The following FLNB variants were observed in gnomAD, a reference collection of about 807,000 sequenced individuals.
FLNB encodes filamin-B.
In FLNB, 111 loss-of-function variants were observed where a neutral mutation model predicts 250.6. The observed-to-expected ratio is 0.44, with a 90% CI of 0.38 to 0.52. The LOEUF (loss-of-function observed/expected upper bound fraction) is 0.52. Ranked by LOEUF, FLNB falls within the 20% of genes least tolerant of loss-of-function variation. FLNB has a pLI of 0.00. For synonymous variants in FLNB, 1,302 were observed against 1,372.1 expected, an observed-to-expected ratio of 0.95 and a Z score of 1.13; for missense variants, 2,869 against 3,447.8, an observed-to-expected ratio of 0.83 and a Z score of 4.20.
intron 1 of FLNB, among the ~76,000 whole-genome samples, chr3:58,046,479 T>A (rs2097154432): frequency 6.8e-6 from 1 of 146,630 alleles, no homozygotes; most frequent in Non-Finnish European, 1.5e-5. Flanking sequence ...GGAGACGGAG[T>A]CTTACTCTTG....
At chr3:58,016,879 C>T (rs771119293) in intron 1 of FLNB, among the ~76,000 whole-genome samples, 5 of 152,174 alleles carry the variant, frequency 3.3e-5, no homozygotes, top group Admixed American at 6.5e-5. Flanking sequence ...ATAATGATTA[C>T]AGTTGCTTTT....
intron 32 of FLNB, 118 bp downstream of exon 32, chr3:58,143,731 G>A: frequency 1.6e-6 from 2 of 1,247,398 alleles, no homozygotes; most frequent in Non-Finnish European, 2.3e-6. Flanking sequence ...GGAGAATGCA[G>A]CGTTGGTACC....
At chr3:58,144,782 T>C (rs539065665) in intron 32 of FLNB, among the ~76,000 whole-genome samples, 133 of 152,372 alleles carry the variant, frequency 8.7e-4, no homozygotes, top group African/African-American at 3.2e-3. Context: ...TATCAAATTT[T>C]TGGAGCTTTG....
In FLNB at chr3:58,105,197, C is replaced by T. The variant is rs763373972; in HGVS notation, c.1728C>T (p.Gly576=). The T allele has an allele frequency of 8.7e-6, 14 of 1,614,208 alleles. No individual in the cohort carries two copies. The Admixed American group carries it at 2.2e-4, about 25-fold the overall frequency. Residue 576 remains glycine, a synonymous_variant, in exon 11 of 46, where the codon GGC becomes GGT. Transcript: ENST00000295956. ...CGGACTTCGTGGTAGAATCCATTGG[C>T]TCTGAAGTGGGGTCTCTGGGTAAGT... is the stretch of plus-strand genomic sequence containing the variant. ...RSADFVVESI[G]SEVGSLGFAI... is the part of the protein sequence containing the mutation.
intron 1 of FLNB, among the ~76,000 whole-genome samples, chr3:58,076,209 T>C (rs550418999): frequency 6.6e-6 from 1 of 152,226 alleles, no homozygotes; most frequent in South Asian, 2.1e-4. Context: ...AATCTATAGA[T>C]AGGAATGTAA....
At chr3:58,162,355 A>G (rs964916200) in intron 42 of FLNB, among the ~76,000 whole-genome samples, 1 of 152,098 alleles carries the variant, frequency 6.6e-6, no homozygotes, top group African/African-American at 2.4e-5. Context: ...CAATGGGTAG[A>G]TGTTCTAGGT....
chr3:58,144,599 G>A (rs1241517876), intron 32 of FLNB, among the ~76,000 whole-genome samples: 1 of 152,200 alleles, frequency 6.6e-6, no homozygotes, highest in African/African-American at 2.4e-5. Context: ...TCACAAAGAT[G>A]TATCTGTGAG....
At chr3:58,119,032 C>A (rs775754491) in intron 19 of FLNB, 43 bp downstream of exon 19, 2 of 1,348,178 alleles carry the variant, frequency 1.5e-6, no homozygotes, top group South Asian at 1.2e-5. Context: ...TGATGACCCC[C>A]CAACGTGGCT....
At chr3:58,118,846 A>G in intron 18 of FLNB, 26 bp from the exon 19 acceptor site, 1 of 1,580,484 alleles carries the variant, frequency 6.3e-7, no homozygotes. Flanking sequence ...ACCCAAAGGT[A>G]AACTGAGTTT....
At chr3:58,138,723 T>A (rs1300033654) in intron 29 of FLNB, among the ~76,000 whole-genome samples, 194 bp downstream of exon 29, 1 of 152,218 alleles carries the variant, frequency 6.6e-6, no homozygotes, top group Non-Finnish European at 1.5e-5. Flanking sequence ...TAAGGGTTTT[T>A]AGGGAATCTT....
chr3:58,067,742 G>A (rs890315932), intron 1 of FLNB, among the ~76,000 whole-genome samples: 3 of 151,796 alleles, frequency 2.0e-5, no homozygotes, highest in East Asian at 1.9e-4. Context: ...GGTTACAGGC[G>A]CCCACCATCA....
intron 8 of FLNB, among the ~76,000 whole-genome samples, chr3:58,099,542 C>CTGTTTTGTTT (rs575161175): frequency 3.4e-4 from 51 of 152,104 alleles, no homozygotes; most frequent in African/African-American, 1.2e-3. Flanking sequence ...CCCTTTTTTT[C>CTGTTTTGTTT]TGTTTTGTTT....
At chr3:58,097,375 G>A (rs2097240766) in intron 6 of FLNB, among the ~76,000 whole-genome samples, 1 of 152,114 alleles carries the variant, frequency 6.6e-6, no homozygotes, top group Admixed American at 6.6e-5. Flanking sequence ...GTTTTAGATG[G>A]AAATCATTCT....
chr3:58,023,100 C>A (rs537240816), intron 1 of FLNB, among the ~76,000 whole-genome samples: 1 of 139,768 alleles, frequency 7.2e-6, no homozygotes, highest in East Asian at 2.1e-4. Flanking sequence ...GCTTGAGCCA[C>A]CGAACTCGGC....
chr3:58,101,487 A>G (rs1392072209), intron 8 of FLNB, among the ~76,000 whole-genome samples: 1 of 152,228 alleles, frequency 6.6e-6, no homozygotes. Flanking sequence ...CAAGTAAGGC[A>G]TATTGGAAGC....
Position 58,143,517 on chromosome 3 carries a change from G to A in FLNB, c.5329G>A (p.Val1777Met), listed in dbSNP as rs756641800. Residue 1777 changes from valine to methionine, a missense_variant, in exon 32 of 46, where the codon GTG (valine) becomes ATG (methionine). Val to Met is a conservative substitution (Grantham distance 21, BLOSUM62 1). Coordinates refer to ENST00000295956, the MANE Select transcript of FLNB (RefSeq NM_001457.4). Reference sequence around the variant, plus strand: ...TGGGAAGACAGCCACACCTGAGATTGTGGACAACAAGGACGGCACGGTCAC... The same window carrying A: ...TGGGAAGACAGCCACACCTGAGATTATGGACAACAAGGACGGCACGGTCAC... ...PSGKTATPEI[V>M]DNKDGTVTVR... 6.2e-7 allele frequency: 1 copy of A among 1,614,200 alleles called. No individual in the cohort carries two copies. The highest frequency in any genetic ancestry group is 8.5e-7 in the Non-Finnish European group (1 of 1,180,030).
intron 1 of FLNB, among the ~76,000 whole-genome samples, chr3:58,073,952 C>T (rs2097198222): frequency 6.6e-6 from 1 of 152,208 alleles, no homozygotes; most frequent in Non-Finnish European, 1.5e-5. Flanking sequence ...TTCCTCACAG[C>T]CAGCAAGAGA....
At chr3:58,046,147 A>G (rs1411727144) in intron 1 of FLNB, among the ~76,000 whole-genome samples, 1 of 152,138 alleles carries the variant, frequency 6.6e-6, no homozygotes, top group African/African-American at 2.4e-5. Context: ...GCCCTGATCA[A>G]GGTAACACAG....
At chr3:58,123,726 A>AAG in intron 21 of FLNB, 36 bp downstream of exon 21, 1 of 1,305,486 alleles carries the variant, frequency 7.7e-7, no homozygotes, top group Non-Finnish European at 1.1e-6. Context: ...AAAAAAAAAA[A>AAG]GACAAGCTGG....
Sources: gnomAD v4.1 joint callset for allele counts (sites outside exome capture counted in the v4.1 genomes callset) on GRCh38, gnomAD v4.1.1 for gene constraint, MANE v1.5 for transcripts, NCBI Gene and HGNC (gene_info 2026-07-23, HGNC 2026-07-21) for gene names.